NEK11: variants seen among roughly 807,000 people sequenced by gnomAD.
The protein encoded by NEK11 is NIMA related kinase 11.
NEK11 carries 72 observed loss-of-function variants against 80.7 expected under a neutral mutation model. The observed-to-expected ratio is 0.89, with a 90% CI of 0.74 to 1.08. NEK11 has a LOEUF of 1.08. Ranked by LOEUF, NEK11 falls within the 50% of genes least tolerant of loss-of-function variation. The probability of loss-of-function intolerance (pLI) is 0.00; values close to 1 mark genes in which losing one functional copy is unlikely to be tolerated. For synonymous variants in NEK11, 251 were observed against 260.7 expected, an observed-to-expected ratio of 0.96 and a Z score of 0.36; for missense variants, 764 against 763.6, an observed-to-expected ratio of 1.00 and a Z score of -0.01.
At chr3:131,087,620 A>G (rs1385917533) in intron 4 of NEK11, among the ~76,000 whole-genome samples, 4 of 152,204 alleles carry the variant, frequency 2.6e-5, no homozygotes, top group East Asian at 1.9e-4. Context: ...ATAAAACGGA[A>G]CATTTGAAAT....
chr3:131,259,761 G>A (rs537663179), intron 16 of NEK11, among the ~76,000 whole-genome samples: 2 of 152,282 alleles, frequency 1.3e-5, no homozygotes, highest in African/African-American at 2.4e-5. Flanking sequence ...GCATGATTTG[G>A]GGGAAGGCAG....
Position 131,080,410 on chromosome 3 carries a change from T to C in NEK11, c.171-13T>C. 6.3e-7 allele frequency: 1 copy of C among 1,584,378 alleles called. No individual in the cohort carries two copies. The highest frequency in any genetic ancestry group is 8.6e-7 in the Non-Finnish European group (1 of 1,167,296). Reference sequence around the variant, plus strand: ...TCAGCTCTAAATGTTTTTAAAATTTTTTTTGATCTCAGAAAGGTACTTAAG... The same window carrying C: ...TCAGCTCTAAATGTTTTTAAAATTTCTTTTGATCTCAGAAAGGTACTTAAG... On this transcript the variant is annotated splice_polypyrimidine_tract_variant and intron_variant, in intron 3 of 17. Coordinates refer to ENST00000383366, the MANE Select transcript of NEK11 (RefSeq NM_024800.5).
intron 17 of NEK11, among the ~76,000 whole-genome samples, chr3:131,315,304 T>C (rs570668280): frequency 1.4e-4 from 22 of 152,300 alleles, no homozygotes; most frequent in African/African-American, 5.3e-4. Context: ...TTCTATTCTC[T>C]GTTTCTATGT....
chr3:131,039,522 T>A (rs2066139966), intron 3 of NEK11, among the ~76,000 whole-genome samples: 1 of 152,186 alleles, frequency 6.6e-6, no homozygotes, highest in Non-Finnish European at 1.5e-5. Context: ...TTTAACTGGA[T>A]CAGTTGAGGG....
chr3:131,102,286 C>T (rs1039729248), intron 4 of NEK11, among the ~76,000 whole-genome samples: 2 of 152,056 alleles, frequency 1.3e-5, no homozygotes, highest in Admixed American at 1.3e-4. Flanking sequence ...GGCTATGTGC[C>T]TATGTGTGTT....
intron 17 of NEK11, among the ~76,000 whole-genome samples, chr3:131,321,338 T>C (rs2096895204): frequency 6.6e-6 from 1 of 152,170 alleles, no homozygotes; most frequent in Non-Finnish European, 1.5e-5. Context: ...TTTTACCATA[T>C]ATAAAAATTA....
intron 12 of NEK11, among the ~76,000 whole-genome samples, chr3:131,168,014 G>C (rs2092382494): frequency 6.6e-6 from 1 of 152,250 alleles, no homozygotes; most frequent in African/African-American, 2.4e-5. Context: ...TGTTGAGTCT[G>C]TTCTGTTTGA....
At chr3:131,194,984 G>T (rs2093942400) in intron 14 of NEK11, among the ~76,000 whole-genome samples, 2 of 152,244 alleles carry the variant, frequency 1.3e-5, no homozygotes, top group South Asian at 4.1e-4. Flanking sequence ...TTACCAGGCT[G>T]CTCATGGTAA....
At chr3:131,133,577 A>G (rs1040899860) in intron 6 of NEK11, among the ~76,000 whole-genome samples, 5 of 152,186 alleles carry the variant, frequency 3.3e-5, no homozygotes, top group Admixed American at 6.5e-5. Context: ...GTTTCCCATA[A>G]TTCCAGAAAT....
At chr3:131,345,816 C>CA (rs2097354306) in intron 17 of NEK11, among the ~76,000 whole-genome samples, 1 of 152,018 alleles carries the variant, frequency 6.6e-6, no homozygotes, top group South Asian at 2.1e-4. Flanking sequence ...GAAAGTGTGG[C>CA]ATATATATAC....
intron 7 of NEK11, among the ~76,000 whole-genome samples, chr3:131,136,649 T>C (rs2085634542): frequency 6.6e-6 from 1 of 152,214 alleles, no homozygotes; most frequent in African/African-American, 2.4e-5. Flanking sequence ...TTTTCTGGCT[T>C]CATTTATTTA....
Position 131,350,290 on chromosome 3 carries a change from A to G in NEK11, c.*514A>G, listed in dbSNP as rs1697576203. 6.5e-6 allele frequency: 1 copy of G among 154,238 alleles called. No individual in the cohort carries two copies. The highest frequency in any genetic ancestry group is 2.4e-5 in the African/African-American group (1 of 41,378). The allele number at this position is 154,238 out of a possible 1,614,324, so 9.6% of individuals were successfully genotyped here. The stretch of plus-strand genomic sequence containing the variant: ...GTCCACTTTTGCCCTTCCATGACTA[A>G]TAAGGAAGATATGTGTGTATTTCAT... On this transcript the variant is annotated 3_prime_UTR_variant, in exon 18 of 18. Coordinates refer to ENST00000383366, the MANE Select transcript of NEK11 (RefSeq NM_024800.5).
Position 131,133,895 on chromosome 3 carries a change from C to A in NEK11, c.586C>A (p.Pro196Thr). Residue 196 changes from proline (P) to threonine (T), a missense_variant, in exon 7 of 18, where the codon CCC becomes ACC. Transcript: ENST00000383366. The part of the protein sequence containing the change: ...CDLATTLTGT[P>T]HYMSPEALKH... ...CCTGGCCACAACTTTAACTGGAACT[C>A]CCCATTATATGAGTCCTGAGGCTCT... 1 of 1,612,544 alleles carries A rather than the reference C, an allele frequency of 6.2e-7. No homozygotes were observed. The highest frequency in any genetic ancestry group is 8.5e-7 in the Non-Finnish European group (1 of 1,179,006).
intron 17 of NEK11, among the ~76,000 whole-genome samples, chr3:131,315,586 G>T (rs746054120): frequency 1.3e-5 from 2 of 150,726 alleles, no homozygotes; most frequent in African/African-American, 2.4e-5. Context: ...GGGTACATGT[G>T]CAGGATGTGC....
intron 4 of NEK11, among the ~76,000 whole-genome samples, chr3:131,107,481 T>A: frequency 6.6e-6 from 1 of 152,092 alleles, no homozygotes; most frequent in East Asian, 1.9e-4. Flanking sequence ...CTTTCACTCC[T>A]CTTCTGAAGG....
intron 17 of NEK11, among the ~76,000 whole-genome samples, chr3:131,312,569 A>T (rs1406190084): frequency 6.6e-6 from 1 of 152,184 alleles, no homozygotes; most frequent in Admixed American, 6.5e-5. Context: ...TGAGGAATCT[A>T]TTCATAGCCT....
chr3:131,284,163 G>A (rs1194621022), intron 17 of NEK11, among the ~76,000 whole-genome samples: 6 of 152,196 alleles, frequency 3.9e-5, no homozygotes, highest in Admixed American at 3.3e-4. Flanking sequence ...ATAAAGGAGT[G>A]AGCAGATTCA....
intron 4 of NEK11, among the ~76,000 whole-genome samples, chr3:131,097,944 G>T (rs1241210767): frequency 6.9e-5 from 10 of 144,154 alleles, no homozygotes; most frequent in Non-Finnish European, 1.1e-4. Context: ...GCATGGTACT[G>T]GTACCAAAAC....
intron 17 of NEK11, among the ~76,000 whole-genome samples, chr3:131,301,093 A>C (rs2096655957): frequency 6.6e-6 from 1 of 151,906 alleles, no homozygotes; most frequent in Non-Finnish European, 1.5e-5. Flanking sequence ...CAGAATTTTC[A>C]CTCCCTGGTT....
Sources: gnomAD v4.1 joint callset for allele counts (sites outside exome capture counted in the v4.1 genomes callset) on GRCh38, gnomAD v4.1.1 for gene constraint, MANE v1.5 for transcripts, NCBI Gene and HGNC (gene_info 2026-07-23, HGNC 2026-07-21) for gene names.